DNM3: variants seen among roughly 807,000 people sequenced by gnomAD.
The protein encoded by DNM3 is dynamin-3.
A neutral mutation model predicts 101.6 loss-of-function variants in DNM3; 47 were observed. The ratio of observed to expected loss-of-function variants is 0.46; its 90% CI spans 0.37 to 0.59. The LOEUF (loss-of-function observed/expected upper bound fraction) is 0.59. Ranked by LOEUF, DNM3 falls within the 20% of genes least tolerant of loss-of-function variation. The pLI is 0.00. For missense variants in DNM3, 849 were observed against 1,085.7 expected (o/e 0.78, Z 3.06); for synonymous variants, 385 against 387.9 (o/e 0.99, Z 0.09).
chr1:172,346,139 A>G (rs984019487), intron 17 of DNM3, among the ~76,000 whole-genome samples: 150 of 151,596 alleles, frequency 9.9e-4, no homozygotes, highest in African/African-American at 2.3e-3. Context: ...AAAAAAAAAA[A>G]AAAGAAAGAA....
chr1:172,317,616 T>C (rs891028584), intron 16 of DNM3, among the ~76,000 whole-genome samples: 110 of 152,242 alleles, frequency 7.2e-4, no homozygotes, highest in Non-Finnish European at 4.4e-4. Context: ...AACACCTCTA[T>C]GCAAATAAAC....
intron 1 of DNM3, among the ~76,000 whole-genome samples, chr1:171,855,070 T>C (rs572330871): frequency 2.2e-4 from 33 of 152,174 alleles, no homozygotes; most frequent in Middle Eastern, 3.4e-3. Context: ...TGTCTATTGT[T>C]TCCTTTGTGT....
At chr1:172,240,422 G>A (rs1447970501) in intron 14 of DNM3, among the ~76,000 whole-genome samples, 1 of 152,136 alleles carries the variant, frequency 6.6e-6, no homozygotes, top group Non-Finnish European at 1.5e-5. Flanking sequence ...CATCTACTGA[G>A]TTCTGGGAAT....
intron 16 of DNM3, among the ~76,000 whole-genome samples, chr1:172,316,848 A>C (rs943593244): frequency 2.7e-4 from 41 of 152,206 alleles, no homozygotes; most frequent in Admixed American, 2.0e-4. Flanking sequence ...AAAATTAACA[A>C]GGATACCCAG....
chr1:172,327,965 T>C (rs911927174), intron 17 of DNM3, among the ~76,000 whole-genome samples: 3 of 152,268 alleles, frequency 2.0e-5, no homozygotes, highest in African/African-American at 7.2e-5. Context: ...ACTTTAATAG[T>C]AAACTGTTGG....
At chr1:172,126,515 T>C (rs1572624043) in intron 13 of DNM3, among the ~76,000 whole-genome samples, 5 of 152,198 alleles carry the variant, frequency 3.3e-5, no homozygotes, top group African/African-American at 1.2e-4. Flanking sequence ...AAAATAATTG[T>C]CCTGTAGCTC....
At chr1:172,154,150 T>C (rs1291755531) in intron 14 of DNM3, among the ~76,000 whole-genome samples, 1 of 152,102 alleles carries the variant, frequency 6.6e-6, no homozygotes, top group Non-Finnish European at 1.5e-5. Context: ...TTTCTAGGTA[T>C]GCTCTACAAT....
intron 2 of DNM3, among the ~76,000 whole-genome samples, chr1:171,978,752 T>C (rs927408005): frequency 2.0e-5 from 3 of 152,062 alleles, no homozygotes; most frequent in Non-Finnish European, 4.4e-5. Flanking sequence ...TAGTACAGGT[T>C]AGAGGTGGAG....
intron 18 of DNM3, chr1:172,381,067 A>G (rs768019): frequency 0.49 from 72,245 of 146,912 alleles, 20,187 homozygotes; most frequent in East Asian, 0.87. Context: ...GCACACACAT[A>G]TGCGCACACA....
chr1:172,162,202 C>G (rs2058569609), intron 14 of DNM3, among the ~76,000 whole-genome samples: 1 of 151,906 alleles, frequency 6.6e-6, no homozygotes, highest in Non-Finnish European at 1.5e-5. Flanking sequence ...CTTGCCTAAC[C>G]TCTGCTTTTG....
intron 14 of DNM3, among the ~76,000 whole-genome samples, chr1:172,178,495 G>T (rs943071301): frequency 7.9e-5 from 12 of 151,794 alleles, no homozygotes; most frequent in African/African-American, 2.9e-4. Flanking sequence ...GGGAGTAGGA[G>T]GTTGATGTGT....
intron 9 of DNM3, among the ~76,000 whole-genome samples, chr1:172,045,736 T>C (rs1032528628): frequency 6.6e-6 from 1 of 152,156 alleles, no homozygotes; most frequent in Admixed American, 6.5e-5. Context: ...AAATAAAACT[T>C]AGGTTGCCTA....
intron 14 of DNM3, among the ~76,000 whole-genome samples, chr1:172,196,430 G>A (rs1338584532): frequency 6.6e-6 from 1 of 151,998 alleles, no homozygotes; most frequent in Admixed American, 6.6e-5. Context: ...CCCAGTAATG[G>A]GATTGCTAGG....
intron 14 of DNM3, among the ~76,000 whole-genome samples, chr1:172,227,596 TCTTTTGA>T (rs1482227402): frequency 6.6e-6 from 1 of 152,082 alleles, no homozygotes; most frequent in Non-Finnish European, 1.5e-5. Flanking sequence ...ACATCAATTG[TCTTTTGA>T]CTTTTTAATA....
chr1:172,044,551 G>A (rs1190800777), intron 9 of DNM3, 99 bp downstream of exon 9: 1 of 978,204 alleles, frequency 1.0e-6, no homozygotes, highest in Non-Finnish European at 1.5e-6. Flanking sequence ...CATTGAATAG[G>A]GTAGAATACA....
At chr1:171,963,121 C>G (rs977363284) in intron 2 of DNM3, among the ~76,000 whole-genome samples, 1 of 152,120 alleles carries the variant, frequency 6.6e-6, no homozygotes, top group Non-Finnish European at 1.5e-5. Flanking sequence ...ATTGCCCAAA[C>G]TTGGAAGCAA....
chr1:172,304,507 TG>T (rs1303062523), intron 15 of DNM3, among the ~76,000 whole-genome samples: 1 of 152,134 alleles, frequency 6.6e-6, no homozygotes, highest in Non-Finnish European at 1.5e-5. Flanking sequence ...ATCAAGGAAT[TG>T]AACTCAGCTC....
chr1:172,189,059 C>T (rs2059617635), intron 14 of DNM3, among the ~76,000 whole-genome samples: 1 of 152,032 alleles, frequency 6.6e-6, no homozygotes, highest in African/African-American at 2.4e-5. Flanking sequence ...TCACTGTGTA[C>T]ATGCAGTTCT....
At chr1:172,387,099 T>C in intron 18 of DNM3, 34 bp from the exon 19 acceptor site, 3 of 1,560,174 alleles carry the variant, frequency 1.9e-6, no homozygotes, top group Non-Finnish European at 2.7e-6. Flanking sequence ...CACTCATTTA[T>C]TCCCATTTTT....
Sources: gnomAD v4.1 joint callset for allele counts (sites outside exome capture counted in the v4.1 genomes callset) on GRCh38, gnomAD v4.1.1 for gene constraint, MANE v1.5 for transcripts, NCBI Gene and HGNC (gene_info 2026-07-23, HGNC 2026-07-21) for gene names.